The following LUZP2 variants were observed in gnomAD, a reference collection of about 807,000 sequenced individuals.
LUZP2 encodes the protein leucine zipper protein 2.
Under a neutral mutation model 51.6 loss-of-function variants are expected in LUZP2, and 52 were observed. The ratio of observed to expected loss-of-function variants is 1.01; its 90% CI spans 0.81 to 1.27. The LOEUF is 1.27. Ranked by LOEUF, LUZP2 falls within the 50% of genes most tolerant of loss-of-function variation. The probability of loss-of-function intolerance (pLI) is 0.00; values close to 1 mark genes in which losing one functional copy is unlikely to be tolerated. For synonymous variants in LUZP2, 154 were observed against 137.3 expected (o/e 1.12, Z -0.85); for missense variants, 436 against 395.4 (o/e 1.10, Z -0.87).
At chr11:24,506,873 A>G (rs1032950078) in intron 1 of LUZP2, among the ~76,000 whole-genome samples, 2 of 152,124 alleles carry the variant, frequency 1.3e-5, no homozygotes, top group Non-Finnish European at 2.9e-5. Context: ...TAGGCTGCCT[A>G]TATAGAATCT....
intron 7 of LUZP2, 23 bp from the exon 8 acceptor site, chr11:24,976,568 A>T: frequency 6.5e-7 from 1 of 1,541,440 alleles, no homozygotes; most frequent in Non-Finnish European, 8.8e-7. Context: ...ATTTATCTAG[A>T]AGATTTATCT....
chr11:24,733,487 G>A (rs1858799218), intron 3 of LUZP2, among the ~76,000 whole-genome samples: 1 of 151,572 alleles, frequency 6.6e-6, no homozygotes, highest in Non-Finnish European at 1.5e-5. Flanking sequence ...GATGAACCTG[G>A]AGGACGTTAT....
rs75539687 is a variant in LUZP2 at position 24,869,974 on chromosome 11, C to T, written c.397-36017C>T. Among the ~76,000 whole-genome samples the T allele has an allele frequency of 4.5e-3, 681 of 152,198 alleles. 2 individuals carry two copies. The highest frequency in any genetic ancestry group is 0.016 in the African/African-American group (647 of 41,536). ...CCAAATTGTGAATGTAAAGGCAAAG[C>T]TCTTCTAAAAGTGCTACTACAGCAT... On this transcript the variant is annotated intron_variant, in intron 5 of 11. Transcript: ENST00000336930.
At chr11:24,855,552 A>G (rs959655775) in intron 5 of LUZP2, among the ~76,000 whole-genome samples, 2 of 152,244 alleles carry the variant, frequency 1.3e-5, no homozygotes, top group Admixed American at 1.3e-4. Flanking sequence ...AAAGCAATTT[A>G]CAAATTCAAT....
chr11:24,674,738 G>T (rs957897851), intron 1 of LUZP2, among the ~76,000 whole-genome samples: 3 of 152,030 alleles, frequency 2.0e-5, no homozygotes, highest in African/African-American at 7.2e-5. Context: ...TTTCCTATCT[G>T]CATCTTTGTT....
chr11:25,044,968 C>G (rs904794787), intron 9 of LUZP2, among the ~76,000 whole-genome samples: 1 of 144,426 alleles, frequency 6.9e-6, no homozygotes, highest in South Asian at 2.2e-4. Flanking sequence ...GACAAAAAAC[C>G]AAACACCACA....
chr11:24,785,555 G>A (rs1158107389), intron 5 of LUZP2, among the ~76,000 whole-genome samples: 2 of 151,728 alleles, frequency 1.3e-5, no homozygotes, highest in East Asian at 3.9e-4. Flanking sequence ...TGAATATAAT[G>A]ACAATATAAA....
chr11:24,571,848 T>C (rs76069427), intron 1 of LUZP2, among the ~76,000 whole-genome samples: 2,171 of 152,188 alleles, frequency 0.014, 40 homozygotes, highest in South Asian at 0.059. Flanking sequence ...TATAGGGAAA[T>C]TATAGCTTGT....
chr11:24,633,939 C>CGTGTGTGTGTGT (rs67250902), intron 1 of LUZP2, among the ~76,000 whole-genome samples: 1 of 148,526 alleles, frequency 6.7e-6, no homozygotes, highest in East Asian at 2.0e-4. Flanking sequence ...GTCTAACACA[C>CGTGTGTGTGTGT]GTGTGTGTGT....
chr11:24,767,385 A>G (rs1451424042), intron 5 of LUZP2, among the ~76,000 whole-genome samples: 1 of 152,232 alleles, frequency 6.6e-6, no homozygotes, highest in Non-Finnish European at 1.5e-5. Context: ...GTTCTGAACT[A>G]GAAGTTGTTC....
At chr11:24,785,823 T>C (rs1849231259) in intron 5 of LUZP2, 1 of 978,222 alleles carries the variant, frequency 1.0e-6, no homozygotes, top group African/African-American at 1.8e-5. Context: ...AGATGAAAAG[T>C]TCCAGGCTTC....
intron 1 of LUZP2, among the ~76,000 whole-genome samples, chr11:24,628,390 G>T (rs577741356): frequency 2.0e-5 from 3 of 152,232 alleles, no homozygotes; most frequent in Admixed American, 6.5e-5. Context: ...TTCCTTCTCT[G>T]TTATTTATAG....
intron 7 of LUZP2, among the ~76,000 whole-genome samples, chr11:24,975,739 T>C (rs1855865546): frequency 6.6e-6 from 1 of 152,076 alleles, no homozygotes; most frequent in Admixed American, 6.6e-5. Context: ...GAGGCAGGAT[T>C]TGAATATATG....
intron 1 of LUZP2, among the ~76,000 whole-genome samples, chr11:24,708,762 C>T (rs139898320): frequency 1.3e-3 from 201 of 152,238 alleles, no homozygotes; most frequent in Non-Finnish European, 2.0e-3. Context: ...GAACTCAGAA[C>T]GCATGATGAA....
chr11:24,807,738 C>A (rs186140008), intron 5 of LUZP2, among the ~76,000 whole-genome samples: 1 of 152,104 alleles, frequency 6.6e-6, no homozygotes, highest in Non-Finnish European at 1.5e-5. Flanking sequence ...AGAGAAAGAA[C>A]TCCTCTAGAA....
chr11:24,870,733 C>T (rs923544185), intron 5 of LUZP2, among the ~76,000 whole-genome samples: 6 of 152,044 alleles, frequency 3.9e-5, no homozygotes, highest in Non-Finnish European at 5.9e-5. Context: ...ATTACTTATA[C>T]AAAAGCCTTA....
intron 1 of LUZP2, among the ~76,000 whole-genome samples, chr11:24,699,654 CAT>C (rs145387003): frequency 2.7e-5 from 4 of 148,666 alleles, no homozygotes; most frequent in Non-Finnish European, 3.0e-5. Flanking sequence ...TAGCCTTGGC[CAT>C]ATATATATAT....
intron 4 of LUZP2, among the ~76,000 whole-genome samples, chr11:24,754,648 C>T (rs1859707479): frequency 6.6e-6 from 1 of 152,176 alleles, no homozygotes; most frequent in South Asian, 2.1e-4. Context: ...TCAACTGCTT[C>T]ATCTGGGGTG....
At chr11:24,984,549 T>TATATATATATAAATAA in intron 9 of LUZP2, among the ~76,000 whole-genome samples, 1 of 71,208 alleles carries the variant, frequency 1.4e-5, no homozygotes, top group Admixed American at 1.8e-4. Flanking sequence ...TATATATATA[T>TATATATATATAAATAA]AATTGTGAAT....
Sources: gnomAD v4.1 joint callset for allele counts (sites outside exome capture counted in the v4.1 genomes callset) on GRCh38, gnomAD v4.1.1 for gene constraint, MANE v1.5 for transcripts, NCBI Gene and HGNC (gene_info 2026-07-23, HGNC 2026-07-21) for gene names.